The following USP35 variants were observed in gnomAD, a reference collection of about 807,000 sequenced individuals.
USP35 encodes ubiquitin carboxyl-terminal hydrolase 35.
A neutral mutation model predicts 83.8 loss-of-function variants in USP35; 69 were observed. That is an observed-to-expected ratio of 0.82 (90% CI 0.68 to 1.01). USP35 has a LOEUF of 1.01. Among genes scored for constraint, USP35 ranks in the 50% least tolerant of loss-of-function variants. The pLI, the probability that USP35 is intolerant of heterozygous loss-of-function variation, is 0.00. For synonymous variants in USP35, 714 were observed against 589.5 expected (o/e 1.21, Z -3.06); for missense variants, 1,503 against 1,362.5 (o/e 1.10, Z -1.62).
intron 10 of USP35, among the ~76,000 whole-genome samples, chr11:78,212,363 C>T (rs1863817735): frequency 6.6e-6 from 1 of 152,180 alleles, no homozygotes; most frequent in Admixed American, 6.5e-5. Flanking sequence ...AGTTTGAAGT[C>T]AGGTAGGCAT....
chr11:78,199,544 C>T (rs746178659), intron 3 of USP35, 51 bp from the exon 4 acceptor site: 40 of 1,612,432 alleles, frequency 2.5e-5, no homozygotes, highest in Non-Finnish European at 3.1e-5. Flanking sequence ...GCCCTCACCC[C>T]AGCATTTTGG....
At chr11:78,203,061 T>C (rs1278686831) in intron 6 of USP35, among the ~76,000 whole-genome samples, 1 of 152,028 alleles carries the variant, frequency 6.6e-6, no homozygotes, top group East Asian at 1.9e-4. Context: ...GATGCAGGCT[T>C]TGCACAGTAG....
At chr11:78,232,890 G>T in the USP35 span, among the ~76,000 whole-genome samples, 2 of 152,138 alleles carry the variant, frequency 1.3e-5, no homozygotes, top group African/African-American at 4.8e-5. Flanking sequence ...GATTACTTTG[G>T]AGATCATATG....
chr11:78,231,294 C>T, the USP35 span, among the ~76,000 whole-genome samples: 1 of 151,804 alleles, frequency 6.6e-6, no homozygotes, highest in African/African-American at 2.4e-5. Flanking sequence ...GAGGCTATTG[C>T]CACCATACAG....
the USP35 span, among the ~76,000 whole-genome samples, chr11:78,228,839 CGG>C: frequency 1.3e-5 from 1 of 76,422 alleles, no homozygotes; most frequent in Non-Finnish European, 2.6e-5. Flanking sequence ...ACGGGGGTGG[CGG>C]GGGGAGCGAA....
At chr11:78,230,911 G>A in the USP35 span, among the ~76,000 whole-genome samples, 12 of 152,332 alleles carry the variant, frequency 7.9e-5, no homozygotes, top group Non-Finnish European at 1.6e-4. Flanking sequence ...TGAGGCCTGT[G>A]TCACTGTGAT....
chr11:78,193,110 G>T (rs997165748), intron 1 of USP35, among the ~76,000 whole-genome samples: 1 of 152,208 alleles, frequency 6.6e-6, no homozygotes, highest in African/African-American at 2.4e-5. Context: ...TGTTTGTGTG[G>T]GGGAGGTTGG....
Position 78,214,263 on chromosome 11 carries a change from CTGTCCTGTTTGTTTGTTTCTCATAT to C in USP35, c.*451_*475del. On this transcript the variant is annotated 3_prime_UTR_variant, in exon 11 of 11. Coordinates refer to ENST00000529308, the MANE Select transcript of USP35 (RefSeq NM_020798.4). The stretch of plus-strand genomic sequence containing the variant: ...GTGGGGGGGGCAGTGTCTCCTCTGG[CTGTCCTGTTTGTTTGTTTCTCATAT>C]GGGGGTGGGGGGTACCTGCACTGTC... The C allele has an allele frequency of 7.5e-6, 1 of 133,868 alleles. No homozygotes were observed. Among genetic ancestry groups the C allele is most frequent in the African/African-American group, 3.1e-5 (1 of 31,988 alleles). 8.3% of individuals were successfully genotyped at this position (133,868 alleles called of 1,614,324 possible).
the USP35 span, among the ~76,000 whole-genome samples, chr11:78,223,252 T>G: frequency 6.6e-6 from 1 of 152,138 alleles, no homozygotes; most frequent in East Asian, 1.9e-4. Flanking sequence ...GAGGTAGGAA[T>G]TACCATCTGC....
Position 78,206,282 on chromosome 11 carries a change from G to T in USP35, c.1391+247G>T, listed in dbSNP as rs1340402456. Among the ~76,000 whole-genome samples, 3 of 152,350 alleles carry T rather than the reference G, an allele frequency of 2.0e-5. No homozygotes were observed. In the East Asian group the frequency reaches 5.8e-4, roughly 29 times the overall value. The stretch of plus-strand genomic sequence containing the variant: ...GCCCTGGGAAGTGGGGTCTGCTCTG[G>T]GTTGGCTGACATCACTGACTTTTCT... On this transcript the variant is annotated intron_variant, in intron 7 of 10. Transcript: ENST00000529308.
the USP35 span, chr11:78,221,990 A>G: frequency 1.3e-6 from 1 of 765,264 alleles, no homozygotes; most frequent in South Asian, 1.5e-5. Context: ...ATGATCAGCT[A>G]ATGATAGCGT....
chr11:78,226,828 G>C, the USP35 span: 1 of 1,614,054 alleles, frequency 6.2e-7, no homozygotes, highest in Non-Finnish European at 8.5e-7. Context: ...GAGCCTGTGA[G>C]GCTGCCCTTG....
chr11:78,210,852 A>C, intron 10 of USP35, 108 bp downstream of exon 10: 1 of 1,220,052 alleles, frequency 8.2e-7, no homozygotes, highest in Non-Finnish European at 1.1e-6. Context: ...TGTAAATCCC[A>C]TTCATCTGTT....
At chr11:78,233,900 C>G in the USP35 span, among the ~76,000 whole-genome samples, 1 of 152,086 alleles carries the variant, frequency 6.6e-6, no homozygotes, top group Non-Finnish European at 1.5e-5. Context: ...CGTGGGCCAC[C>G]ACGCCCAGCC....
chr11:78,199,749 AG>A (rs1565396401), intron 4 of USP35, 25 bp downstream of exon 4: 1 of 1,614,074 alleles, frequency 6.2e-7, no homozygotes, highest in Non-Finnish European at 8.5e-7. Context: ...CCTAGCCCAG[AG>A]TTACAGCCTT....
chr11:78,212,921 A>AG (rs905384978), intron 10 of USP35, among the ~76,000 whole-genome samples: 3 of 150,388 alleles, frequency 2.0e-5, no homozygotes, highest in Non-Finnish European at 4.4e-5. Flanking sequence ...GTGTGGGGGG[A>AG]GGGGGTCCCA....
In USP35 at chr11:78,208,928, GGACT is replaced by G; in HGVS notation, c.1559_1562del (p.Asp520AlafsTer5). ...CCTGGTTCAGCCCTGGCACCCAGCA[GGACT>G]GCTCGGAGTATCTGAAGTACCTGCT... On this transcript the variant is annotated frameshift_variant, in exon 9 of 11. Transcript: ENST00000529308. LOFTEE classifies it high-confidence loss of function. 6.2e-7 allele frequency: 1 copy of G among 1,614,216 alleles called. No homozygotes were observed. Among genetic ancestry groups the G allele is most frequent in the Non-Finnish European group, 8.5e-7 (1 of 1,180,036 alleles).
chr11:78,231,851 T>TA, the USP35 span: 2 of 152,242 alleles, frequency 1.3e-5, no homozygotes, highest in Non-Finnish European at 2.9e-5. Context: ...GGTGACTTAA[T>TA]ATAAAATGCT....
chr11:78,219,668 G>A (rs1864321706), downstream of USP35, among the ~76,000 whole-genome samples: 1 of 152,156 alleles, frequency 6.6e-6, no homozygotes, highest in Non-Finnish European at 1.5e-5. Flanking sequence ...GCTTCTGGGA[G>A]GACCCAGGCC....
Sources: gnomAD v4.1 joint callset for allele counts (sites outside exome capture counted in the v4.1 genomes callset) on GRCh38, gnomAD v4.1.1 for gene constraint, MANE v1.5 for transcripts, NCBI Gene and HGNC (gene_info 2026-07-23, HGNC 2026-07-21) for gene names.